DCUN1D4: variants seen among roughly 807,000 people sequenced by gnomAD.
The protein encoded by DCUN1D4 is defective in cullin neddylation 1 domain containing 4, also known as DCN1-like protein 4.
Under a neutral mutation model 47.9 loss-of-function variants are expected in DCUN1D4, and 22 were observed. That is an observed-to-expected ratio of 0.46 (90% CI 0.33 to 0.66). The LOEUF is 0.66. Ranked by LOEUF, DCUN1D4 falls within the 30% of genes least tolerant of loss-of-function variation. DCUN1D4 has a pLI of 0.02. For missense variants in DCUN1D4, 301 were observed against 340.8 expected, an observed-to-expected ratio of 0.88 and a Z score of 0.92; for synonymous variants, 121 against 112.2, an observed-to-expected ratio of 1.08 and a Z score of -0.50.
In DCUN1D4 at chr4:51,913,599, C is replaced by A; in HGVS notation, c.*15C>A. 1 of 1,609,260 alleles carries A rather than the reference C, an allele frequency of 6.2e-7. No homozygotes were observed. Among genetic ancestry groups the A allele is most frequent in the Non-Finnish European group, 8.5e-7 (1 of 1,176,994 alleles). ...AGATGTCCTAGGACTTTATGCATAG[C>A]AGCGAGAGAGTCACTGTTACCACAG... On this transcript the variant is annotated 3_prime_UTR_variant, in exon 11 of 11. Coordinates refer to ENST00000334635, the MANE Select transcript of DCUN1D4 (RefSeq NM_001040402.3).
At chr4:51,844,214 T>A (rs1722112466) in intron 1 of DCUN1D4, among the ~76,000 whole-genome samples, 1 of 144,766 alleles carries the variant, frequency 6.9e-6, no homozygotes, top group Admixed American at 7.1e-5. Context: ...GGAGCCGGGC[T>A]AAGGGGGTGT....
the DCUN1D4 span, among the ~76,000 whole-genome samples, chr4:51,834,354 T>G: frequency 6.7e-6 from 1 of 150,028 alleles, no homozygotes; most frequent in East Asian, 2.0e-4. Context: ...GTGCTGGGGG[T>G]TTTGGGGGTG....
intron 1 of DCUN1D4, among the ~76,000 whole-genome samples, chr4:51,847,562 A>G (rs187167052): frequency 2.6e-4 from 39 of 151,454 alleles, no homozygotes; most frequent in African/African-American, 7.3e-4. Context: ...CCATGGCCTT[A>G]TGTCTGAGAC....
At position 51,886,649 on chromosome 4, in the gene DCUN1D4, C is replaced by G. The variant is rs771895068; in HGVS notation, c.414+11C>G. The stretch of plus-strand genomic sequence containing the variant: ...GTTGAACCAGAAAACGTGAGTCAAA[C>G]TTACTGAGTTGGGTGAATCAGTTGG... On this transcript the variant is annotated intron_variant, in intron 6 of 10. Coordinates refer to ENST00000334635, the MANE Select transcript of DCUN1D4 (RefSeq NM_001040402.3). 1.9e-6 allele frequency: 3 copies of G among 1,611,622 alleles called. No homozygotes were observed. In the East Asian group the frequency reaches 6.7e-5, roughly 36 times the overall value.
chr4:51,835,898 T>A, the DCUN1D4 span, among the ~76,000 whole-genome samples: 3 of 152,136 alleles, frequency 2.0e-5, no homozygotes, highest in Non-Finnish European at 2.9e-5. Context: ...AGAGCTCTTC[T>A]CCTCTCTTGC....
intron 8 of DCUN1D4, chr4:51,910,781 A>C: frequency 2.5e-6 from 1 of 403,732 alleles, no homozygotes; most frequent in East Asian, 4.7e-5. Flanking sequence ...TAATCCCATG[A>C]AAAGCCTGTA....
intron 7 of DCUN1D4, among the ~76,000 whole-genome samples, chr4:51,894,005 A>C (rs1230648811): frequency 2.0e-5 from 3 of 152,140 alleles, no homozygotes; most frequent in African/African-American, 7.2e-5. Flanking sequence ...TTCCTGGAAG[A>C]GGTCTGCGTC....
chr4:51,877,694 A>C (rs1727912162), intron 4 of DCUN1D4, 69 bp from the exon 5 acceptor site: 1 of 948,848 alleles, frequency 1.1e-6, no homozygotes, highest in South Asian at 1.5e-5. Flanking sequence ...GTAAAAGAAT[A>C]TAAATTATCT....
At position 51,877,753 on chromosome 4, in the gene DCUN1D4, C is replaced by T; in HGVS notation, c.252-10C>T. On this transcript the variant is annotated splice_polypyrimidine_tract_variant and intron_variant, in intron 4 of 10. Transcript: ENST00000334635. ...TTTAAATAACTTAAAACTGCCTTTT[C>T]AATTTCCAGCATGTATAGAAAATAT... is the stretch of plus-strand genomic sequence containing the variant. 1.3e-6 allele frequency: 2 copies of T among 1,580,972 alleles called. No individual in the cohort carries two copies. The highest frequency in any genetic ancestry group is 1.7e-6 in the Non-Finnish European group (2 of 1,160,022).
At chr4:51,908,843 A>C (rs1471999308) in intron 8 of DCUN1D4, 3 of 454,208 alleles carry the variant, frequency 6.6e-6, no homozygotes, top group Admixed American at 2.4e-5. Flanking sequence ...GTCCACTCAC[A>C]GGAAATGTTG....
At position 51,895,117 on chromosome 4, in the gene DCUN1D4, A is replaced by T. The variant is rs371533462; in HGVS notation, c.506+3266A>T. ...AAAGGCACCACTTTTTGATACCATC[A>T]TCTTGGGGGTGAGGATTTCAACCTA... On this transcript the variant is annotated intron_variant, in intron 7 of 10. Coordinates refer to ENST00000334635, the MANE Select transcript of DCUN1D4 (RefSeq NM_001040402.3). 1.7e-4 allele frequency among the ~76,000 whole-genome samples: 26 copies of T among 152,088 alleles called. No individual in the cohort carries two copies. In the East Asian group the frequency reaches 4.1e-3, roughly 24 times the overall value.
At chr4:51,892,586 A>T (rs553077011) in intron 7 of DCUN1D4, among the ~76,000 whole-genome samples, 6 of 152,390 alleles carry the variant, frequency 3.9e-5, no homozygotes, top group African/African-American at 1.4e-4. Flanking sequence ...TTAAAAAATT[A>T]AAAAGATTTG....
At chr4:51,868,936 G>T (rs1384364851) in intron 3 of DCUN1D4, among the ~76,000 whole-genome samples, 1 of 151,970 alleles carries the variant, frequency 6.6e-6, no homozygotes, top group Non-Finnish European at 1.5e-5. Flanking sequence ...TGGGCAACAT[G>T]GTGAAACCCC....
chr4:51,891,440 A>G (rs1004212237), intron 6 of DCUN1D4, among the ~76,000 whole-genome samples: 6 of 152,216 alleles, frequency 3.9e-5, no homozygotes, highest in African/African-American at 1.4e-4. Flanking sequence ...ATAACTTGCC[A>G]TGGGTGGAAT....
upstream of DCUN1D4, chr4:51,843,092 G>A: frequency 1.4e-6 from 2 of 1,418,910 alleles, no homozygotes; most frequent in South Asian, 2.9e-5. Flanking sequence ...CCCCTGAGCC[G>A]CGGTTTAGCC....
chr4:51,846,139 A>G (rs1300115643), intron 1 of DCUN1D4, among the ~76,000 whole-genome samples: 1 of 152,168 alleles, frequency 6.6e-6, no homozygotes, highest in Admixed American at 6.5e-5. Flanking sequence ...TTTTATACAC[A>G]TATAGCCCAC....
chr4:51,842,997 G>T, upstream of DCUN1D4: 5 of 1,269,312 alleles, frequency 3.9e-6, no homozygotes, highest in Non-Finnish European at 5.1e-6. Context: ...AATCGTATTG[G>T]CCAGTGGGGG....
At chr4:51,865,497 G>C (rs1322791960) in intron 3 of DCUN1D4, 1 of 153,282 alleles carries the variant, frequency 6.5e-6, no homozygotes, top group Admixed American at 6.5e-5. Flanking sequence ...CAGAGAGCTT[G>C]CTGGGGGAAA....
intron 3 of DCUN1D4, among the ~76,000 whole-genome samples, chr4:51,868,527 G>A (rs1161519609): frequency 2.0e-5 from 3 of 152,200 alleles, no homozygotes; most frequent in East Asian, 1.9e-4. Flanking sequence ...TTGTGATTCC[G>A]GTACCCAACA....
Sources: gnomAD v4.1 joint callset for allele counts (sites outside exome capture counted in the v4.1 genomes callset) on GRCh38, gnomAD v4.1.1 for gene constraint, MANE v1.5 for transcripts, NCBI Gene and HGNC (gene_info 2026-07-23, HGNC 2026-07-21) for gene names.